The following SPATA6 variants were observed in gnomAD, a reference collection of about 807,000 sequenced individuals.
SPATA6 encodes spermatogenesis-associated protein 6.
SPATA6 carries 56 observed loss-of-function variants against 65.3 expected under a neutral mutation model. The ratio of observed to expected loss-of-function variants is 0.86; its 90% confidence interval spans 0.69 to 1.07. SPATA6 has a LOEUF of 1.07. SPATA6 is among the 50% of genes least tolerant of loss of function. The probability of loss-of-function intolerance (pLI) is 0.00; values close to 1 mark genes in which losing one functional copy is unlikely to be tolerated. For synonymous variants in SPATA6, 199 were observed against 213.2 expected (o/e 0.93, Z 0.58); for missense variants, 590 against 594.8 (o/e 0.99, Z 0.08).
rs190535142 is a variant in SPATA6 at position 48,297,193 on chromosome 1, T to A, written c.*1520A>T. 1 of 150,332 alleles carries A rather than the reference T, an allele frequency of 6.7e-6. No homozygotes were observed. The highest frequency in any genetic ancestry group is 6.7e-5 in the Admixed American group (1 of 15,012). The allele number at this position is 150,332 out of a possible 1,614,324, so 9.3% of individuals were successfully genotyped here. A position where few individuals can be genotyped will look rare whatever the true frequency, so the allele number is the denominator to read the frequency against. On this transcript the variant is annotated 3_prime_UTR_variant, in exon 13 of 13. Transcript: ENST00000371847. Reference sequence around the variant, plus strand: ...GTGTAGCAAACAGATTTTCCTAAACTTAGATGGCCAATTACATACTTATAC... The same window carrying A: ...GTGTAGCAAACAGATTTTCCTAAACATAGATGGCCAATTACATACTTATAC...
At chr1:48,396,662 T>A (rs1371800688) in intron 7 of SPATA6, among the ~76,000 whole-genome samples, 4 of 151,460 alleles carry the variant, frequency 2.6e-5, no homozygotes, top group African/African-American at 9.7e-5. Flanking sequence ...AACAAGCCAA[T>A]CGAAATAGGA....
intron 1 of SPATA6, among the ~76,000 whole-genome samples, chr1:48,458,966 G>A (rs1557734000): frequency 6.6e-6 from 1 of 152,100 alleles, no homozygotes; most frequent in African/African-American, 2.4e-5. Context: ...AGCACTTTGG[G>A]AGGATGAGGC....
chr1:48,366,815 A>G (rs1320924866), intron 9 of SPATA6, among the ~76,000 whole-genome samples: 2 of 151,858 alleles, frequency 1.3e-5, no homozygotes, highest in Non-Finnish European at 2.9e-5. Context: ...CTCTGATTTT[A>G]GTTATTTCTT....
chr1:48,463,487 T>C (rs1657595668), intron 1 of SPATA6, among the ~76,000 whole-genome samples: 1 of 152,112 alleles, frequency 6.6e-6, no homozygotes, highest in Non-Finnish European at 1.5e-5. Flanking sequence ...TAGAGCCAAA[T>C]GATTTTAAAA....
At position 48,299,149 on chromosome 1, in the gene SPATA6, A is replaced by C. The variant is rs1644869598; in HGVS notation, c.1287-256T>G. ...AGTGAAAAAGGAATTCAGAGAACAG[A>C]CACAGGTACAGCATAATAAAAGCAG... On this transcript the variant is annotated intron_variant, in intron 12 of 12. Transcript: ENST00000371847. 2.0e-5 allele frequency among the ~76,000 whole-genome samples: 3 copies of C among 152,120 alleles called. No individual in the cohort carries two copies. The South Asian group carries it at 6.2e-4, about 32-fold the overall frequency.
At chr1:48,401,920 CTATT>C (rs750469966) in intron 6 of SPATA6, among the ~76,000 whole-genome samples, 33 of 152,212 alleles carry the variant, frequency 2.2e-4, no homozygotes, top group Non-Finnish European at 4.0e-4. Flanking sequence ...TGATATTTAA[CTATT>C]TAATAATGAA....
At chr1:48,303,223 A>G (rs1229142627) in intron 12 of SPATA6, among the ~76,000 whole-genome samples, 2 of 152,300 alleles carry the variant, frequency 1.3e-5, no homozygotes, top group East Asian at 3.9e-4. Flanking sequence ...AGTGAATCAA[A>G]TCATGGTAAT....
chr1:48,365,118 T>A (rs530834702), intron 9 of SPATA6, among the ~76,000 whole-genome samples: 3 of 151,706 alleles, frequency 2.0e-5, no homozygotes, highest in African/African-American at 7.3e-5. Flanking sequence ...TAGATATGCG[T>A]CATTATTTCT....
chr1:48,373,304 G>C (rs1026494978), intron 9 of SPATA6, among the ~76,000 whole-genome samples: 2 of 152,146 alleles, frequency 1.3e-5, no homozygotes, highest in African/African-American at 4.8e-5. Context: ...CAAATCTCTA[G>C]GGCAGGGGCA....
intron 11 of SPATA6, among the ~76,000 whole-genome samples, chr1:48,355,012 C>T (rs1646617909): frequency 6.6e-6 from 1 of 151,564 alleles, no homozygotes; most frequent in African/African-American, 2.4e-5. Flanking sequence ...CCCCTTATAC[C>T]CCCCCAAGAC....
chr1:48,472,150 C>A lies in SPATA6; in HGVS notation c.-142G>T. The A allele has an allele frequency of 1.6e-6, 1 of 621,632 alleles. No individual in the cohort carries two copies. The highest frequency in any genetic ancestry group is 2.2e-5 in the South Asian group (1 of 45,202). The allele number at this position is 621,632 out of a possible 1,614,324, so 38.5% of individuals were successfully genotyped here. A position where few individuals can be genotyped will look rare whatever the true frequency, so the allele number is the denominator to read the frequency against. On this transcript the variant is annotated 5_prime_UTR_variant, in exon 1 of 13. The change creates a premature stop within an existing upstream ORF in the 5' untranslated region. Coordinates refer to ENST00000371847, the MANE Select transcript of SPATA6 (RefSeq NM_019073.4). ...GGCCCCCAGGCCGGGGCCCGCGGTC[C>A]AGCCTGGGTTCCGCCGGAGAAGCAG...
chr1:48,329,932 G>C (rs746137265), intron 11 of SPATA6, among the ~76,000 whole-genome samples: 2 of 152,202 alleles, frequency 1.3e-5, no homozygotes, highest in Non-Finnish European at 2.9e-5. Flanking sequence ...CTGAGGCAGA[G>C]AGCCACCTGG....
intron 11 of SPATA6, among the ~76,000 whole-genome samples, chr1:48,351,235 T>C (rs996598524): frequency 3.9e-5 from 6 of 152,066 alleles, no homozygotes; most frequent in African/African-American, 1.4e-4. Flanking sequence ...TATGAGCTTT[T>C]CTCTAGATCC....
chr1:48,352,462 T>C (rs574843972), intron 11 of SPATA6, among the ~76,000 whole-genome samples: 1 of 152,126 alleles, frequency 6.6e-6, no homozygotes, highest in South Asian at 2.1e-4. Context: ...TTCATCAAAG[T>C]TTTAACATCA....
chr1:48,389,444 C>G (rs1649825322), intron 8 of SPATA6, among the ~76,000 whole-genome samples: 1 of 152,068 alleles, frequency 6.6e-6, no homozygotes, highest in South Asian at 2.1e-4. Flanking sequence ...AATCCCTAAG[C>G]AGATACAATG....
intron 9 of SPATA6, among the ~76,000 whole-genome samples, chr1:48,384,882 CAGAA>C (rs142039513): frequency 0.057 from 8,716 of 152,072 alleles, 366 homozygotes; most frequent in African/African-American, 0.11. Flanking sequence ...AGTAAACAAA[CAGAA>C]AGAAAGTGAA....
chr1:48,321,568 T>C (rs945289753), intron 11 of SPATA6, among the ~76,000 whole-genome samples: 3 of 152,104 alleles, frequency 2.0e-5, no homozygotes, highest in Non-Finnish European at 4.4e-5. Flanking sequence ...AATACAGTAA[T>C]AGATGGGGAC....
At chr1:48,311,277 T>G (rs1421713018) in intron 11 of SPATA6, among the ~76,000 whole-genome samples, 1 of 152,124 alleles carries the variant, frequency 6.6e-6, no homozygotes, top group Non-Finnish European at 1.5e-5. Flanking sequence ...AAGTTGCTTC[T>G]TTGAAACCAT....
intron 6 of SPATA6, chr1:48,402,501 G>C (rs1206596265): frequency 6.6e-6 from 1 of 152,138 alleles, no homozygotes; most frequent in African/African-American, 2.4e-5. Flanking sequence ...GCAAGCATAG[G>C]TTTTTAGAGC....
Sources: allele counts gnomAD v4.1 joint callset (sites outside exome capture counted in the v4.1 genomes callset), GRCh38; gene constraint gnomAD v4.1.1; transcripts MANE v1.5; gene names NCBI Gene and HGNC (gene_info 2026-07-23, HGNC 2026-07-21).